MRTFA: variants seen among roughly 807,000 people sequenced by gnomAD.
MRTFA encodes the protein myocardin-related transcription factor A.
MRTFA carries 20 observed loss-of-function variants against 83.5 expected under a neutral mutation model. The observed-to-expected ratio is 0.24, with a 90% confidence interval of 0.17 to 0.35. The LOEUF is 0.35. Ranked by LOEUF, MRTFA falls within the 10% of genes least tolerant of loss-of-function variation. MRTFA has a pLI of 1.00. For synonymous variants in MRTFA, 659 were observed against 541.2 expected (o/e 1.22, Z -3.02); for missense variants, 1,200 against 1,224.7 (o/e 0.98, Z 0.30).
intron 3 of MRTFA, among the ~76,000 whole-genome samples, chr22:40,498,388 G>T (rs2054398666): frequency 2.9e-5 from 4 of 138,910 alleles, no homozygotes. Flanking sequence ...GGGCTGAGAT[G>T]ATCCTCTCAC....
At chr22:40,509,078 C>A (rs755388814) in intron 3 of MRTFA, among the ~76,000 whole-genome samples, 2 of 152,184 alleles carry the variant, frequency 1.3e-5, no homozygotes, top group African/African-American at 2.4e-5. Flanking sequence ...GAGGAAGTCA[C>A]AAAGCTGCCA....
At position 40,429,695 on chromosome 22, in the gene MRTFA, T is replaced by C; in HGVS notation, c.512A>G (p.Asn171Ser). The change falls in exon 7 of 15, where the codon AAT becomes AGT. Residue 171 changes from asparagine (N) to serine (S), a missense_variant. Asn to Ser is a conservative substitution (Grantham distance 46). Transcript: ENST00000355630. ...GCCAGGCCTCTGTGCAATCTTCTCATTGAGGTCATCGGCTAGTCTGGCTCT... is the reference window on the plus strand; with the variant it reads ...GCCAGGCCTCTGTGCAATCTTCTCACTGAGGTCATCGGCTAGTCTGGCTCT... 6.2e-7 allele frequency: 1 copy of C among 1,614,118 alleles called. No homozygotes were observed.
chr22:40,633,557 TTAG>T (rs1205935928), intron 1 of MRTFA, among the ~76,000 whole-genome samples: 1 of 152,188 alleles, frequency 6.6e-6, no homozygotes, highest in Admixed American at 6.5e-5. Context: ...TTTAACAAAG[TTAG>T]TAAAGTGCTT....
At chr22:40,536,158 C>G (rs1300123023) in intron 3 of MRTFA, among the ~76,000 whole-genome samples, 2 of 151,280 alleles carry the variant, frequency 1.3e-5, no homozygotes, top group South Asian at 4.2e-4. Flanking sequence ...AGAAAAAAAG[C>G]CAGGTATGGT....
chr22:40,587,898 C>A, intron 2 of MRTFA: 2 of 422,616 alleles, frequency 4.7e-6, no homozygotes, highest in South Asian at 3.3e-5. Flanking sequence ...TTCACAATAT[C>A]TGGTGGAATG....
At chr22:40,417,663 A>C in intron 12 of MRTFA, 170 bp from the exon 13 acceptor site, 16 of 576,358 alleles carry the variant, frequency 2.8e-5, no homozygotes, top group Admixed American at 3.1e-5. Flanking sequence ...GTAGGAAGGA[A>C]TACAGGATGG....
intron 2 of MRTFA, among the ~76,000 whole-genome samples, chr22:40,562,622 G>A (rs1275333498): frequency 1.1e-5 from 1 of 88,786 alleles, no homozygotes; most frequent in South Asian, 5.6e-4. Context: ...AAGGGGGGAG[G>A]GAGAGGAAGG....
At chr22:40,635,366 G>A (rs1045441823) in intron 1 of MRTFA, among the ~76,000 whole-genome samples, 2 of 152,102 alleles carry the variant, frequency 1.3e-5, no homozygotes, top group African/African-American at 4.8e-5. Flanking sequence ...TACAGGCTTC[G>A]GCTTGATGTA....
intron 3 of MRTFA, chr22:40,522,437 T>C (rs2054885667): frequency 1.3e-5 from 2 of 152,210 alleles, no homozygotes; most frequent in African/African-American, 4.8e-5. Flanking sequence ...GAGTTCACAC[T>C]GAAGGGAAAG....
chr22:40,531,081 C>T (rs1027301895), intron 3 of MRTFA, among the ~76,000 whole-genome samples: 19 of 151,920 alleles, frequency 1.3e-4, no homozygotes, highest in African/African-American at 4.6e-4. Flanking sequence ...CAGTAAGAGA[C>T]CACCAGCAGT....
rs753676894 is a variant in MRTFA at position 40,420,494 on chromosome 22, C to T, written c.1264G>A (p.Ala422Thr). ...CGTGCCAGCCCACAGGGCCCAGGGGCGCCCGAGCTGGAGCTGCTATTGGTA... is the reference window on the plus strand; with the variant it reads ...CGTGCCAGCCCACAGGGCCCAGGGGTGCCCGAGCTGGAGCTGCTATTGGTA... The change falls in exon 11 of 15, where the codon GCC becomes ACC. Residue 422 changes from alanine (A) to threonine (T), a missense_variant. Physicochemically the swap from Ala to Thr is moderately conservative, Grantham distance 58. Around this residue, in one of 2 missense-constraint regions of MRTFA, gnomAD observed 1,107 missense variants for 1,041.8 expected, o/e 1.06. Transcript: ENST00000355630. 4.3e-6 allele frequency: 7 copies of T among 1,613,670 alleles called. No homozygotes were observed. The highest frequency in any genetic ancestry group is 4.5e-5 in the East Asian group (2 of 44,906).
chr22:40,535,758 C>A (rs1028252832), intron 3 of MRTFA, among the ~76,000 whole-genome samples: 3 of 152,138 alleles, frequency 2.0e-5, no homozygotes, highest in African/African-American at 7.2e-5. Flanking sequence ...AAGATTCCTG[C>A]ACAGAAGATG....
At chr22:40,599,903 T>TA (rs61576273) in intron 1 of MRTFA, among the ~76,000 whole-genome samples, 6,978 of 123,322 alleles carry the variant, frequency 0.057, 251 homozygotes, top group Middle Eastern at 0.1. Context: ...GCTGTGTCTT[T>TA]AAAAAAAAAA....
At chr22:40,627,760 C>T (rs572749477) in intron 1 of MRTFA, among the ~76,000 whole-genome samples, 7 of 152,116 alleles carry the variant, frequency 4.6e-5, no homozygotes, top group African/African-American at 1.4e-4. Context: ...GAGGTCAAAG[C>T]GTGAGGGCAA....
chr22:40,470,408 A>C (rs1350715650), intron 3 of MRTFA, among the ~76,000 whole-genome samples: 1 of 150,788 alleles, frequency 6.6e-6, no homozygotes, highest in Non-Finnish European at 1.5e-5. Context: ...CTTTGAACTA[A>C]ACAATTTATC....
intron 1 of MRTFA, among the ~76,000 whole-genome samples, chr22:40,630,560 T>C (rs987186405): frequency 1.3e-5 from 2 of 152,156 alleles, no homozygotes; most frequent in African/African-American, 4.8e-5. Context: ...CTTCCTAAAG[T>C]AGTAAAATGG....
intron 1 of MRTFA, among the ~76,000 whole-genome samples, chr22:40,620,352 G>A (rs1042653136): frequency 8.0e-5 from 12 of 150,666 alleles, no homozygotes; most frequent in African/African-American, 2.2e-4. Flanking sequence ...TCGAACTCCC[G>A]ACCTCAGGTG....
intron 3 of MRTFA, among the ~76,000 whole-genome samples, chr22:40,490,315 T>G (rs900492359): frequency 2.0e-5 from 3 of 152,180 alleles, no homozygotes; most frequent in Non-Finnish European, 2.9e-5. Context: ...TTAAAACTAT[T>G]CTCAGCTGGG....
At chr22:40,485,465 G>T (rs1329436307) in intron 3 of MRTFA, among the ~76,000 whole-genome samples, 1 of 152,192 alleles carries the variant, frequency 6.6e-6, no homozygotes, top group Non-Finnish European at 1.5e-5. Flanking sequence ...AATGGTGTGT[G>T]AAGGCGGGAG....
Sources: gnomAD v4.1 joint callset for allele counts (sites outside exome capture counted in the v4.1 genomes callset) on GRCh38, gnomAD v4.1.1 for gene constraint, gnomAD v4.1.1 regional missense constraint, MANE v1.5 for transcripts, NCBI Gene and HGNC (gene_info 2026-07-23, HGNC 2026-07-21) for gene names.